ROR1: variants seen among roughly 807,000 people sequenced by gnomAD.
The protein encoded by ROR1 is ROR family WNT receptor 1, also known as inactive tyrosine-protein kinase transmembrane receptor ROR1.
ROR1 carries 19 observed loss-of-function variants against 78.8 expected under a neutral mutation model. The ratio of observed to expected loss-of-function variants is 0.24; its 90% CI spans 0.17 to 0.35. The LOEUF (loss-of-function observed/expected upper bound fraction) is 0.35. Ranked by LOEUF, ROR1 falls within the 10% of genes least tolerant of loss-of-function variation. The pLI, the probability that ROR1 is intolerant of heterozygous loss-of-function variation, is 1.00. For missense variants in ROR1, 917 were observed against 1,177.8 expected (o/e 0.78, Z 3.24); for synonymous variants, 386 against 433.6 (o/e 0.89, Z 1.36).
At chr1:64,000,121 GAC>G (rs770916569) in intron 1 of ROR1, among the ~76,000 whole-genome samples, 1 of 152,142 alleles carries the variant, frequency 6.6e-6, no homozygotes, top group Non-Finnish European at 1.5e-5. Context: ...AAAGACAGAT[GAC>G]ACAGAAAGAT....
intron 1 of ROR1, among the ~76,000 whole-genome samples, chr1:63,794,500 T>A (rs886474506): frequency 3.9e-5 from 6 of 152,222 alleles, no homozygotes; most frequent in Non-Finnish European, 7.3e-5. Context: ...AGCTTCTTTC[T>A]CTCACTGGTG....
At chr1:63,815,503 G>A (rs1289105601) in intron 1 of ROR1, among the ~76,000 whole-genome samples, 1 of 88,664 alleles carries the variant, frequency 1.1e-5, no homozygotes, top group Non-Finnish European at 2.0e-5. Flanking sequence ...TTTTTTTTGA[G>A]TACTCATGAA....
At chr1:63,813,204 T>A (rs899312626) in intron 1 of ROR1, among the ~76,000 whole-genome samples, 6 of 152,142 alleles carry the variant, frequency 3.9e-5, no homozygotes, top group Non-Finnish European at 8.8e-5. Flanking sequence ...TGGAAAAAAC[T>A]AAATGGGGGA....
At position 64,168,816 on chromosome 1, in the gene ROR1, G is replaced by T. The variant is rs1029443146; in HGVS notation, c.1387-8612G>T. On this transcript the variant is annotated intron_variant, in intron 8 of 8. Transcript: ENST00000371079. The stretch of plus-strand genomic sequence containing the variant: ...AACTAGGTTCATCAGACACATTGTG[G>T]TCATTCATCATGCAGAGAGAAGGGA... Among the ~76,000 whole-genome samples, 30 of 152,226 alleles carry T rather than the reference G, an allele frequency of 2.0e-4. 1 individual carries two copies. Among genetic ancestry groups the T allele is most frequent in the Admixed American group, 6.5e-5 (1 of 15,280 alleles).
At chr1:63,951,685 C>G (rs867807337) in intron 1 of ROR1, among the ~76,000 whole-genome samples, 2 of 152,074 alleles carry the variant, frequency 1.3e-5, no homozygotes, top group Non-Finnish European at 2.9e-5. Context: ...AGCTATTTTG[C>G]ATTTGTAATT....
chr1:64,060,670 G>C (rs1646909946), intron 4 of ROR1, among the ~76,000 whole-genome samples: 1 of 152,136 alleles, frequency 6.6e-6, no homozygotes, highest in South Asian at 2.1e-4. Flanking sequence ...CTTGGCAGCT[G>C]GGCCAGCACA....
intron 1 of ROR1, among the ~76,000 whole-genome samples, chr1:63,911,979 C>G (rs1645573931): frequency 6.6e-6 from 1 of 152,044 alleles, no homozygotes; most frequent in Non-Finnish European, 1.5e-5. Context: ...TGTGGGTATA[C>G]AAAGGCGAAT....
intron 4 of ROR1, among the ~76,000 whole-genome samples, chr1:64,123,872 T>G (rs1045247083): frequency 1.6e-4 from 25 of 152,178 alleles, no homozygotes; most frequent in African/African-American, 6.0e-4. Context: ...ATAATTCCAC[T>G]TATTGTTTTG....
chr1:64,120,456 T>C (rs1648489621), intron 4 of ROR1, among the ~76,000 whole-genome samples: 1 of 152,246 alleles, frequency 6.6e-6, no homozygotes, highest in Admixed American at 6.5e-5. Flanking sequence ...CCAAAATATT[T>C]TCATTTTAAT....
At chr1:63,896,014 A>C (rs1645436490) in intron 1 of ROR1, among the ~76,000 whole-genome samples, 2 of 152,060 alleles carry the variant, frequency 1.3e-5, no homozygotes, top group Admixed American at 6.6e-5. Flanking sequence ...AGGTCCTGAT[A>C]TCCAGCCTCC....
Position 64,178,868 on chromosome 1 carries a change from T to C in ROR1, c.*13T>C, listed in dbSNP as rs770439232. 3.8e-6 allele frequency: 6 copies of C among 1,595,290 alleles called. No homozygotes were observed. The highest frequency in any genetic ancestry group is 1.3e-5 in the African/African-American group (1 of 74,252). On this transcript the variant is annotated 3_prime_UTR_variant, in exon 9 of 9. Transcript: ENST00000371079. This position sits in a 1 kb window ranked among gnomAD's most constrained non-coding sequence, Gnocchi z 4.3. ...TGCAGAACTGTAAAATGCACAACTT[T>C]TGTAAATGTGGTATACAGGACAAAC...
At chr1:63,842,363 T>C (rs979265582) in intron 1 of ROR1, among the ~76,000 whole-genome samples, 4 of 152,226 alleles carry the variant, frequency 2.6e-5, no homozygotes, top group African/African-American at 9.6e-5. Context: ...ATTTATTCAC[T>C]GTTTCTCCAA....
rs200326722 is a variant in ROR1 at position 63,977,937 on chromosome 1, ACCT to A, written c.92-31364_92-31362del. Among the ~76,000 whole-genome samples, 945 of 152,204 alleles carry A rather than the reference ACCT, an allele frequency of 6.2e-3. 5 individuals are homozygous for A. Among genetic ancestry groups the A allele is most frequent in the Middle Eastern group, 0.014 (4 of 294 alleles). The stretch of plus-strand genomic sequence containing the variant: ...ATCTTTATAAGAGCACTTAAGTTCA[ACCT>A]CCTAAGAAACTGCCAATTTTGTTGA... On this transcript the variant is annotated intron_variant, in intron 1 of 8. Transcript: ENST00000371079.
At chr1:64,070,277 A>T (rs1299828600) in intron 4 of ROR1, among the ~76,000 whole-genome samples, 1 of 152,150 alleles carries the variant, frequency 6.6e-6, no homozygotes, top group Non-Finnish European at 1.5e-5. Flanking sequence ...GAGGCCTGGC[A>T]TTGAAGCCAT....
intron 1 of ROR1, among the ~76,000 whole-genome samples, chr1:63,825,214 C>T (rs577977164): frequency 2.6e-4 from 40 of 152,222 alleles, no homozygotes; most frequent in South Asian, 1.2e-3. Context: ...GCCCACACAA[C>T]GATAGGTATG....
chr1:63,997,414 A>C (rs1646345954), intron 1 of ROR1, among the ~76,000 whole-genome samples: 1 of 152,236 alleles, frequency 6.6e-6, no homozygotes, highest in Non-Finnish European at 1.5e-5. Flanking sequence ...GCTTTGAAAG[A>C]CGTTCAAGAG....
chr1:64,098,935 A>G (rs1647409057), intron 4 of ROR1, among the ~76,000 whole-genome samples: 1 of 152,204 alleles, frequency 6.6e-6, no homozygotes, highest in African/African-American at 2.4e-5. Context: ...GTTATCAATA[A>G]TATAATGGAA....
rs563803958 is a variant in ROR1, at chr1:64,100,689, C to G, written c.483-36680C>G. On this transcript the variant is annotated intron_variant, in intron 4 of 8. Transcript: ENST00000371079. ...TATCAAACCCCTACTAGTGCCTGCC[C>G]TCAAATGATCAAGCCTACACATAGC... Among the ~76,000 whole-genome samples, 9 of 152,210 alleles carry G rather than the reference C, an allele frequency of 5.9e-5. No homozygotes were observed. In the South Asian group the frequency reaches 1.5e-3, roughly 25 times the overall value.
intron 1 of ROR1, among the ~76,000 whole-genome samples, chr1:63,876,999 T>C (rs1423402996): frequency 1.3e-5 from 2 of 152,148 alleles, no homozygotes; most frequent in African/African-American, 4.8e-5. Context: ...ATGTGCATTG[T>C]TTTTCCTTTC....
Sources: gnomAD v4.1 joint callset for allele counts (sites outside exome capture counted in the v4.1 genomes callset) on GRCh38, gnomAD v4.1.1 for gene constraint, Gnocchi (gnomAD v3.1) non-coding constraint, MANE v1.5 for transcripts, NCBI Gene and HGNC (gene_info 2026-07-23, HGNC 2026-07-21) for gene names.